The following IVD variants were observed in gnomAD, a reference collection of about 807,000 sequenced individuals.
IVD encodes the protein isovaleryl-CoA dehydrogenase, also known as isovaleryl-CoA dehydrogenase, mitochondrial.
IVD carries 31 observed loss-of-function variants against 51.3 expected under a neutral mutation model. The observed-to-expected ratio is 0.60, with a 90% CI of 0.45 to 0.81. The LOEUF is 0.81. Among genes scored for constraint, IVD ranks in the 40% least tolerant of loss-of-function variants. The pLI is 0.00. For missense variants in IVD, 475 were observed against 552.0 expected (o/e 0.86, Z 1.40); for synonymous variants, 205 against 219.4 (o/e 0.93, Z 0.58).
Position 40,418,208 on chromosome 15 carries a change from C to T in IVD, c.1217C>T (p.Thr406Ile). 3 of 1,614,200 alleles carry T rather than the reference C, an allele frequency of 1.9e-6. No homozygotes were observed. Among genetic ancestry groups the T allele is most frequent in the Non-Finnish European group, 1.7e-6 (2 of 1,180,038 alleles). Residue 406 changes from threonine (T) to isoleucine (I), a missense_variant, in exon 12 of 12, where the codon ACC (threonine) becomes ATC (isoleucine). Thr to Ile is a moderately conservative substitution (Grantham distance 89). Coordinates refer to ENST00000487418, the MANE Select transcript of IVD (RefSeq NM_002225.5). ...AAGCTGTATGAGATAGGGGCTGGGA[C>T]CAGCGAGGTGAGGCGGCTGGTCATC... Reference protein sequence around the residue: ...DAKLYEIGAGTSEVRRLVIGR... With the variant: ...DAKLYEIGAGISEVRRLVIGR...
At chr15:40,426,734 T>C (rs1203551388), downstream of IVD, among the ~76,000 whole-genome samples, 1 of 152,142 alleles carries the variant, frequency 6.6e-6, no homozygotes, top group Non-Finnish European at 1.5e-5. Context: ...CAGAGGTGAC[T>C]TGGGGCAAAA....
chr15:40,432,633 G>C (rs537348489), intron 7 of IVD, among the ~76,000 whole-genome samples: 1 of 152,378 alleles, frequency 6.6e-6, no homozygotes, highest in South Asian at 2.1e-4. Context: ...CAGTGGCTGT[G>C]GCTGAGAGCC....
intron 8 of IVD, among the ~76,000 whole-genome samples, chr15:40,434,541 A>G (rs563057741): frequency 5.3e-5 from 8 of 152,360 alleles, no homozygotes; most frequent in African/African-American, 1.9e-4. Context: ...AATCTTATAA[A>G]TAAAGACTTA....
chr15:40,416,025 G>A, intron 9 of IVD, 53 bp from the exon 10 acceptor site: 2 of 1,554,854 alleles, frequency 1.3e-6, no homozygotes, highest in East Asian at 2.3e-5. Flanking sequence ...CCTGCTTTTG[G>A]TAACTGAGAG....
intron 8 of IVD, among the ~76,000 whole-genome samples, chr15:40,435,136 T>C (rs1893194648): frequency 6.6e-6 from 1 of 152,222 alleles, no homozygotes; most frequent in Non-Finnish European, 1.5e-5. Flanking sequence ...CGTTTGCCCC[T>C]GTTCCTATAT....
intron 6 of IVD, chr15:40,412,736 C>T: frequency 2.0e-6 from 1 of 491,174 alleles, no homozygotes; most frequent in Non-Finnish European, 3.7e-6. Flanking sequence ...GCTCAGGGAA[C>T]TGAGCATATC....
rs1477527791 is a variant in IVD at position 40,418,175 on chromosome 15, G to A, written c.1184G>A (p.Arg395Gln). Residue 395 changes from arginine (R) to glutamine (Q), a missense_variant, in exon 12 of 12, where the codon CGA becomes CAA. Arg to Gln is a conservative substitution (Grantham distance 43). Transcript: ENST00000487418. ...INDFPMGRFL[R>Q]DAKLYEIGAG... ...GACTTTCCCATGGGCCGCTTTCTTC[G>A]AGATGCCAAGCTGTATGAGATAGGG... 14 of 1,614,058 alleles carry A rather than the reference G, an allele frequency of 8.7e-6. No individual in the cohort carries two copies. Among genetic ancestry groups the A allele is most frequent in the Non-Finnish European group, 1.2e-5 (14 of 1,180,036 alleles).
In IVD at chr15:40,411,328, T is replaced by C; in HGVS notation, c.525T>C (p.Ser175=). The change falls in exon 5 of 12, where the codon TCT becomes TCC. Residue 175 remains serine (S), a synonymous_variant. Coordinates refer to ENST00000487418, the MANE Select transcript of IVD (RefSeq NM_002225.5). The part of the protein sequence containing the change: ...SEPNAGSDVV[S]MKLKAEKKGN... ...CCAATGCAGGCTCTGATGTTGTCTC[T>C]ATGAAGCTCAAAGCGGAAAAGAAAG... 6.2e-7 allele frequency: 1 copy of C among 1,614,132 alleles called. No individual in the cohort carries two copies. Among genetic ancestry groups the C allele is most frequent in the South Asian group, 1.1e-5 (1 of 91,078 alleles).
At chr15:40,415,885 C>A (rs1333564134) in intron 9 of IVD, among the ~76,000 whole-genome samples, 193 bp from the exon 10 acceptor site, 1 of 152,230 alleles carries the variant, frequency 6.6e-6, no homozygotes, top group Non-Finnish European at 1.5e-5. Context: ...GGGTGTCATG[C>A]GGGCTGTGGA....
chr15:40,422,992 G>A (rs540936604), downstream of IVD, among the ~76,000 whole-genome samples: 1 of 152,002 alleles, frequency 6.6e-6, no homozygotes, highest in Admixed American at 6.6e-5. Flanking sequence ...TCAGCTTACT[G>A]CAGCCTCGAC....
At position 40,420,708 on chromosome 15, in the gene IVD, C is replaced by T; in HGVS notation, c.*2445C>T. The stretch of plus-strand genomic sequence containing the variant: ...AGCTTATAGATTTCTGAAAACCGCC[C>T]CTTTGTTTTTAAAAAGATCAACACA... On this transcript the variant is annotated 3_prime_UTR_variant, in exon 12 of 12. Transcript: ENST00000487418. 1 of 986,238 alleles carries T rather than the reference C, an allele frequency of 1.0e-6. No individual in the cohort carries two copies. Among genetic ancestry groups the T allele is most frequent in the Non-Finnish European group, 1.2e-6 (1 of 830,066 alleles). The allele number at this position is 986,238 out of a possible 1,614,324, so 61.1% of individuals were successfully genotyped here.
Position 40,419,109 on chromosome 15 carries a change from C to A in IVD, c.*846C>A. ...CGAGCTTGTGCCATTGCACTCCAGC[C>A]TGGGCGACAAGAGCAAAACTCTTCA... On this transcript the variant is annotated 3_prime_UTR_variant, in exon 12 of 12. Coordinates refer to ENST00000487418, the MANE Select transcript of IVD (RefSeq NM_002225.5). The A allele has an allele frequency of 7.8e-7, 1 of 1,275,918 alleles. No individual in the cohort carries two copies. The highest frequency in any genetic ancestry group is 1.0e-6 in the Non-Finnish European group (1 of 976,852). The allele number at this position is 1,275,918 out of a possible 1,614,324, so 79.0% of individuals were successfully genotyped here.
intron 7 of IVD, among the ~76,000 whole-genome samples, chr15:40,432,966 G>C (rs564960285): frequency 6.6e-6 from 1 of 152,370 alleles, no homozygotes; most frequent in Admixed American, 6.5e-5. Context: ...GGCATGGCCA[G>C]ATTTGGGCAT....
At position 40,420,590 on chromosome 15, in the gene IVD, GGA is replaced by G; in HGVS notation, c.*2333_*2334del. 1.0e-6 allele frequency: 1 copy of G among 987,556 alleles called. No homozygotes were observed. The highest frequency in any genetic ancestry group is 1.2e-6 in the Non-Finnish European group (1 of 830,110). The allele number at this position is 987,556 out of a possible 1,614,324, so 61.2% of individuals were successfully genotyped here. Reference sequence around the variant, plus strand: ...GACAGGAAGGTAAAATCAGCCCTTAGGAGAGAGGTCTCAGCCTCCCTTTCCCA... The same window carrying G: ...GACAGGAAGGTAAAATCAGCCCTTAGGAGAGGTCTCAGCCTCCCTTTCCCA... On this transcript the variant is annotated 3_prime_UTR_variant, in exon 12 of 12. Coordinates refer to ENST00000487418, the MANE Select transcript of IVD (RefSeq NM_002225.5).
chr15:40,407,631 A>T lies in IVD; in HGVS notation c.145-5A>T. ...AGTGGCATCTGTTTACCTCTCTCCT[A>T]TTAGCTTCGTCAGACCATGGCTAAG... is the stretch of plus-strand genomic sequence containing the variant. On this transcript the variant is annotated splice_region_variant and splice_polypyrimidine_tract_variant and intron_variant, in intron 1 of 11. Transcript: ENST00000487418. 1.9e-6 allele frequency: 3 copies of T among 1,612,766 alleles called. No homozygotes were observed. Among genetic ancestry groups the T allele is most frequent in the Non-Finnish European group, 2.5e-6 (3 of 1,178,762 alleles).
downstream of IVD, among the ~76,000 whole-genome samples, chr15:40,422,512 C>T (rs1400124273): frequency 6.7e-6 from 1 of 148,398 alleles, no homozygotes; most frequent in Admixed American, 6.7e-5. Context: ...CTCGATCTCC[C>T]GACCTCATGA....
chr15:40,414,986 A>T lies in IVD; in HGVS notation c.878+4A>T, dbSNP rs548465411. 1 of 1,613,510 alleles carries T rather than the reference A, an allele frequency of 6.2e-7. No homozygotes were observed. The highest frequency in any genetic ancestry group is 8.5e-7 in the Non-Finnish European group (1 of 1,179,848). On this transcript the variant is annotated splice_donor_region_variant and intron_variant, in intron 8 of 11. Coordinates refer to ENST00000487418, the MANE Select transcript of IVD (RefSeq NM_002225.5). Reference sequence around the variant, plus strand: ...TGCTGGCCGGGGGGCCTCTTGGGTAAGTGTGAGAGGCTTGAGGGAAGCTGG... The same window carrying T: ...TGCTGGCCGGGGGGCCTCTTGGGTATGTGTGAGAGGCTTGAGGGAAGCTGG...
rs1890337055 is a variant in IVD, at chr15:40,405,847, T to A, written c.20T>A (p.Leu7Gln). The change falls in exon 1 of 12, where the codon CTG becomes CAG. Residue 7 changes from leucine (L) to glutamine (Q), a missense_variant. Transcript: ENST00000487418. The stretch of plus-strand genomic sequence containing the variant: ...GCAGAGATGGCGACTGCGACTCGGC[T>A]GCTGGGGTGGCGTGTGGCGAGCTGG... MATATR[L>Q]LGWRVASWRL... is the part of the protein sequence containing the mutation. The A allele has an allele frequency of 6.2e-7, 1 of 1,612,470 alleles. No homozygotes were observed. The highest frequency in any genetic ancestry group is 1.3e-5 in the African/African-American group (1 of 75,026).
At chr15:40,424,144 C>G (rs1207344648), downstream of IVD, 1 of 1,286,578 alleles carries the variant, frequency 7.8e-7, no homozygotes, top group Non-Finnish European at 1.0e-6. Flanking sequence ...GGCCATGCCC[C>G]TCAACCCTTC....
Sources: gnomAD v4.1 joint callset for allele counts (sites outside exome capture counted in the v4.1 genomes callset) on GRCh38, gnomAD v4.1.1 for gene constraint, MANE v1.5 for transcripts, NCBI Gene and HGNC (gene_info 2026-07-23, HGNC 2026-07-21) for gene names.